Variants in SPOCK1 observed in about 807,000 individuals in gnomAD.
SPOCK1 encodes testican-1.
SPOCK1 carries 23 observed loss-of-function variants against 55.3 expected under a neutral mutation model. The ratio of observed to expected loss-of-function variants is 0.42; its 90% CI spans 0.30 to 0.59. The LOEUF is 0.59. Among genes scored for constraint, SPOCK1 ranks in the 20% least tolerant of loss-of-function variants. SPOCK1 has a pLI of 0.22. For synonymous variants in SPOCK1, 226 were observed against 221.0 expected, an observed-to-expected ratio of 1.02 and a Z score of -0.20; for missense variants, 499 against 552.5, an observed-to-expected ratio of 0.90 and a Z score of 0.97.
At chr5:137,282,836 C>T (rs1048131737) in intron 2 of SPOCK1, among the ~76,000 whole-genome samples, 1 of 152,212 alleles carries the variant, frequency 6.6e-6, no homozygotes. Flanking sequence ...AAATACTGCA[C>T]TAGACTCTAG....
At chr5:137,178,787 C>T (rs1184638295) in intron 3 of SPOCK1, among the ~76,000 whole-genome samples, 3 of 152,258 alleles carry the variant, frequency 2.0e-5, no homozygotes, top group Non-Finnish European at 4.4e-5. Context: ...CCACCAGAGA[C>T]ACTTTGTTTA....
intron 3 of SPOCK1, among the ~76,000 whole-genome samples, chr5:137,160,485 C>T (rs1401351209): frequency 3.1e-5 from 3 of 95,436 alleles, no homozygotes; most frequent in Admixed American, 3.1e-4. Context: ...TGAAATGCAG[C>T]CAACACCTGG....
intron 4 of SPOCK1, among the ~76,000 whole-genome samples, chr5:137,133,302 G>A (rs753651345): frequency 7.3e-5 from 11 of 151,706 alleles, no homozygotes; most frequent in African/African-American, 2.4e-4. Flanking sequence ...CCCAGGAGGC[G>A]GAGGTTGCAG....
In SPOCK1 at chr5:136,975,752, C is replaced by T. The variant is rs898015266; in HGVS notation, c.*2902G>A. On this transcript the variant is annotated 3_prime_UTR_variant, in exon 11 of 11. Transcript: ENST00000394945. ...AAAGGAGGAGAAACAGATACAAAAT[C>T]TCCAACTCAGTATTAAGGTATTCTC... The T allele has an allele frequency of 2.6e-5, 4 of 152,208 alleles. No individual in the cohort carries two copies. The highest frequency in any genetic ancestry group is 9.7e-5 in the African/African-American group (4 of 41,440). 9.4% of individuals were successfully genotyped at this position (152,208 alleles called of 1,614,324 possible). A position where few individuals can be genotyped will look rare whatever the true frequency, so the allele number is the denominator to read the frequency against.
chr5:137,480,982 T>C (rs1753939041), intron 2 of SPOCK1, among the ~76,000 whole-genome samples: 1 of 152,188 alleles, frequency 6.6e-6, no homozygotes, highest in Non-Finnish European at 1.5e-5. Context: ...TTAATATTTT[T>C]TACTTGAAGT....
Position 137,407,473 on chromosome 5 carries a change from G to C in SPOCK1, c.186+90900C>G, listed in dbSNP as rs541497954. Among the ~76,000 whole-genome samples the C allele has an allele frequency of 1.7e-3, 264 of 152,232 alleles. 1 individual carries two copies. Among genetic ancestry groups the C allele is most frequent in the African/African-American group, 6.0e-3 (249 of 41,542 alleles). ...CCAGCTTGGTGTACCTGAGAGGGGGGAGTGGTGATCAGATTAGGAAACTAT... is the reference window on the plus strand; with the variant it reads ...CCAGCTTGGTGTACCTGAGAGGGGGCAGTGGTGATCAGATTAGGAAACTAT... On this transcript the variant is annotated intron_variant, in intron 2 of 10. Transcript: ENST00000394945.
intron 2 of SPOCK1, among the ~76,000 whole-genome samples, chr5:137,360,505 G>C (rs1360113824): frequency 6.6e-6 from 1 of 152,196 alleles, no homozygotes; most frequent in Non-Finnish European, 1.5e-5. Context: ...AGTCAATGGA[G>C]GTGATTCTCT....
At chr5:137,015,270 T>C (rs1751429646) in intron 6 of SPOCK1, among the ~76,000 whole-genome samples, 1 of 136,136 alleles carries the variant, frequency 7.3e-6, no homozygotes, top group African/African-American at 3.0e-5. Context: ...TGAAACCCCA[T>C]CTCTACTAAA....
chr5:137,241,719 C>T (rs1235306505), intron 3 of SPOCK1, among the ~76,000 whole-genome samples: 5 of 152,168 alleles, frequency 3.3e-5, no homozygotes, highest in African/African-American at 1.2e-4. Flanking sequence ...TAGATGCTAA[C>T]CCCCTGATCT....
intron 2 of SPOCK1, among the ~76,000 whole-genome samples, chr5:137,367,841 C>A (rs535933438): frequency 2.1e-4 from 32 of 152,322 alleles, no homozygotes; most frequent in African/African-American, 7.0e-4. Context: ...GGCATCCCTG[C>A]CCCCAAAGTC....
intron 6 of SPOCK1, among the ~76,000 whole-genome samples, chr5:137,055,792 A>G (rs1752289290): frequency 6.6e-6 from 1 of 152,190 alleles, no homozygotes; most frequent in African/African-American, 2.4e-5. Flanking sequence ...CTGTAGGGAA[A>G]GAACAGACTG....
intron 3 of SPOCK1, among the ~76,000 whole-genome samples, chr5:137,250,437 C>G (rs759590190): frequency 1.3e-5 from 2 of 152,142 alleles, no homozygotes; most frequent in Admixed American, 1.3e-4. Context: ...ATGCTCAGCA[C>G]GTACTAGTTT....
At chr5:137,271,977 T>C (rs186163979) in intron 2 of SPOCK1, among the ~76,000 whole-genome samples, 24 of 152,340 alleles carry the variant, frequency 1.6e-4, no homozygotes, top group Admixed American at 5.2e-4. Flanking sequence ...TCATTTGTCT[T>C]GACCAGGAGG....
At chr5:137,305,154 G>A (rs1466510933) in intron 2 of SPOCK1, among the ~76,000 whole-genome samples, 1 of 152,142 alleles carries the variant, frequency 6.6e-6, no homozygotes, top group African/African-American at 2.4e-5. Flanking sequence ...TCAGGCTTAT[G>A]TCTTTACACT....
chr5:137,479,088 C>T (rs1282571934), intron 2 of SPOCK1, among the ~76,000 whole-genome samples: 1 of 151,266 alleles, frequency 6.6e-6, no homozygotes, highest in African/African-American at 2.4e-5. Context: ...ATTCAAGTGC[C>T]GTGTAAGGGT....
At chr5:137,251,854 T>C (rs1023190645) in intron 3 of SPOCK1, among the ~76,000 whole-genome samples, 2 of 152,358 alleles carry the variant, frequency 1.3e-5, no homozygotes, top group South Asian at 4.1e-4. Flanking sequence ...GTATTTTATA[T>C]GCAAATACAA....
intron 2 of SPOCK1, among the ~76,000 whole-genome samples, chr5:137,333,797 A>AAATAAATTAAAT (rs1380566423): frequency 6.6e-6 from 1 of 152,224 alleles, no homozygotes; most frequent in African/African-American, 2.4e-5. Flanking sequence ...ATCTATAAAT[A>AAATAAATTAAAT]CATAAAGATT....
In SPOCK1 at chr5:137,143,537, C is replaced by A. The variant is rs375595947; in HGVS notation, c.233-2843G>T. 8.5e-5 allele frequency among the ~76,000 whole-genome samples: 13 copies of A among 152,254 alleles called. 2 individuals carry two copies. Among genetic ancestry groups the A allele is most frequent in the African/African-American group, 3.1e-4 (13 of 41,546 alleles). On this transcript the variant is annotated intron_variant, in intron 3 of 10. Transcript: ENST00000394945. ...CCTTGCTATACCTCACTTTCCTCTC[C>A]TGTAAAAATGGGGATAATAACAGCA...
At chr5:137,074,608 C>A (rs1012116733) in intron 5 of SPOCK1, among the ~76,000 whole-genome samples, 19 of 152,192 alleles carry the variant, frequency 1.2e-4, no homozygotes, top group Admixed American at 4.6e-4. Flanking sequence ...CCTCCGCCTC[C>A]CAGGTTCAAG....
Sources: gnomAD v4.1 joint callset for allele counts (sites outside exome capture counted in the v4.1 genomes callset) on GRCh38, gnomAD v4.1.1 for gene constraint, MANE v1.5 for transcripts, NCBI Gene and HGNC (gene_info 2026-07-23, HGNC 2026-07-21) for gene names.